CRCP: variants seen among roughly 807,000 people sequenced by gnomAD.
CRCP encodes CGRP receptor component.
Under a neutral mutation model 18.5 loss-of-function variants are expected in CRCP, and 18 were observed. That is an observed-to-expected ratio of 0.97 (90% CI 0.67 to 1.44). The LOEUF (loss-of-function observed/expected upper bound fraction) is 1.44. Among genes scored for constraint, CRCP ranks in the 40% most tolerant of loss-of-function variants. The pLI is 0.00. For synonymous variants in CRCP, 53 were observed against 62.9 expected (o/e 0.84, Z 0.75); for missense variants, 130 against 176.4 (o/e 0.74, Z 1.49).
At chr7:66,129,011 A>G (rs1481404480) in intron 2 of CRCP, among the ~76,000 whole-genome samples, 1 of 152,112 alleles carries the variant, frequency 6.6e-6, no homozygotes, top group Non-Finnish European at 1.5e-5. Flanking sequence ...TCAGCCTGGG[A>G]AACCTAGCAA....
Position 66,151,747 on chromosome 7 carries a change from C to CTTT in CRCP, c.298-459_298-457dup, listed in dbSNP as rs1260395389. 2.7e-4 allele frequency among the ~76,000 whole-genome samples: 15 copies of CTTT among 55,420 alleles called. 3 individuals carry two copies. Among genetic ancestry groups the CTTT allele is most frequent in the Admixed American group, 6.3e-4 (3 of 4,798 alleles). The allele number at this position is 55,420 out of a possible 152,430, so 36.4% of individuals were successfully genotyped here. A position where few individuals can be genotyped will look rare whatever the true frequency, so the allele number is the denominator to read the frequency against. On this transcript the variant is annotated intron_variant, in intron 5 of 5. Coordinates refer to ENST00000395326, the MANE Select transcript of CRCP (RefSeq NM_014478.5). ...TATAACTTAGCTTTTTCCTTTTTTT[C>CTTT]TTTTCTTTTTTTTTTTTTTTTTTTA... is the stretch of plus-strand genomic sequence containing the variant.
Position 66,153,544 on chromosome 7 carries a change from C to T in CRCP, c.*1187C>T, listed in dbSNP as rs1293835538. 3.3e-5 allele frequency: 5 copies of T among 152,112 alleles called. No homozygotes were observed. The highest frequency in any genetic ancestry group is 7.2e-5 in the African/African-American group (3 of 41,422). The allele number at this position is 152,112 out of a possible 1,614,324, so 9.4% of individuals were successfully genotyped here. ...CATGTGGTTGTTGCCTTAGGTCCTGCGAATATTGCTGAAAATCGGATTTTC... is the reference window on the plus strand; with the variant it reads ...CATGTGGTTGTTGCCTTAGGTCCTGTGAATATTGCTGAAAATCGGATTTTC... On this transcript the variant is annotated 3_prime_UTR_variant, in exon 6 of 6. Coordinates refer to ENST00000395326, the MANE Select transcript of CRCP (RefSeq NM_014478.5).
intron 5 of CRCP, chr7:66,150,858 C>G (rs1407395421): frequency 2.0e-5 from 3 of 152,134 alleles, no homozygotes; most frequent in Admixed American, 6.6e-5. Context: ...GGTTAAGCAA[C>G]TTGACTGCCT....
At chr7:66,122,423 A>G (rs1787473847) in intron 1 of CRCP, among the ~76,000 whole-genome samples, 1 of 149,380 alleles carries the variant, frequency 6.7e-6, no homozygotes. Flanking sequence ...CCATTTGTGT[A>G]TGTGTTTGCT....
intron 5 of CRCP, among the ~76,000 whole-genome samples, chr7:66,146,657 G>T (rs1385485152): frequency 6.6e-6 from 1 of 152,068 alleles, no homozygotes; most frequent in Non-Finnish European, 1.5e-5. Flanking sequence ...ATTGTTCATT[G>T]TCTTCCTAGG....
rs35682014 is a variant in CRCP at position 66,130,097 on chromosome 7, C to CTTTTTTT, written c.46-627_46-621dup. 1.4e-4 allele frequency: 14 copies of CTTTTTTT among 100,574 alleles called. 4 individuals are homozygous for CTTTTTTT. The highest frequency in any genetic ancestry group is 4.5e-4 in the Admixed American group (2 of 4,458). The allele number at this position is 100,574 out of a possible 1,614,324, so 6.2% of individuals were successfully genotyped here. A position where few individuals can be genotyped will look rare whatever the true frequency, so the allele number is the denominator to read the frequency against. ...ATTTTTATACTAGAGAAGCAGGATTCTTTTTTTTTTTTTTTTTTTTTTTTT... is the reference window on the plus strand; with the variant it reads ...ATTTTTATACTAGAGAAGCAGGATTCTTTTTTTTTTTTTTTTTTTTTTTTTTTTTTTT... On this transcript the variant is annotated intron_variant, in intron 2 of 5. Transcript: ENST00000395326.
intron 1 of CRCP, among the ~76,000 whole-genome samples, chr7:66,116,715 A>G (rs1057485560): frequency 1.3e-5 from 2 of 151,964 alleles, no homozygotes; most frequent in East Asian, 1.9e-4. Context: ...CTCTTACTCC[A>G]TTTCTGCTTC....
chr7:66,151,673 C>CTCTCTGTG (rs1484742797), intron 5 of CRCP, among the ~76,000 whole-genome samples: 26 of 138,586 alleles, frequency 1.9e-4, no homozygotes, highest in Middle Eastern at 3.9e-3. Flanking sequence ...CCACTTCTCT[C>CTCTCTGTG]TGTGTGTGTG....
At chr7:66,140,906 A>G (rs555438865) in intron 4 of CRCP, among the ~76,000 whole-genome samples, 16 of 152,338 alleles carry the variant, frequency 1.1e-4, no homozygotes, top group Non-Finnish European at 1.3e-4. Context: ...TTGTCTTGCA[A>G]GCTGATTCGT....
At chr7:66,151,371 C>A (rs1788451990) in intron 5 of CRCP, among the ~76,000 whole-genome samples, 1 of 152,010 alleles carries the variant, frequency 6.6e-6, no homozygotes, top group African/African-American at 2.4e-5. Flanking sequence ...AGATTGAGAC[C>A]ATCCTGGCCA....
Position 66,152,314 on chromosome 7 carries a change from A to T in CRCP, c.404A>T (p.Asn135Ile). The T allele has an allele frequency of 6.2e-7, 1 of 1,614,172 alleles. No individual in the cohort carries two copies. The highest frequency in any genetic ancestry group is 8.5e-7 in the Non-Finnish European group (1 of 1,180,028). The stretch of plus-strand genomic sequence containing the variant: ...GAGCCAGAGGCTGAGCAGAAGAAGA[A>T]TACAAACAGCAATGTGGCAATGGAC... ...PAEPEAEQKKNTNSNVAMDEE... is the reference protein window; with the variant it reads ...PAEPEAEQKKITNSNVAMDEE... The change falls in exon 6 of 6, where the codon AAT (asparagine) becomes ATT (isoleucine). Residue 135 changes from asparagine to isoleucine, a missense_variant. Coordinates refer to ENST00000395326, the MANE Select transcript of CRCP (RefSeq NM_014478.5).
chr7:66,130,383 C>T (rs959170383), intron 2 of CRCP: 34 of 184,314 alleles, frequency 1.8e-4, no homozygotes, highest in Admixed American at 1.6e-3. Flanking sequence ...GGATTACAGG[C>T]GTGAGCCATC....
At chr7:66,147,668 T>C (rs1182555132) in intron 5 of CRCP, among the ~76,000 whole-genome samples, 1 of 152,202 alleles carries the variant, frequency 6.6e-6, no homozygotes, top group Non-Finnish European at 1.5e-5. Context: ...GACCATTTTA[T>C]AGCCAGATTC....
chr7:66,141,440 T>C (rs1788135872), intron 4 of CRCP, among the ~76,000 whole-genome samples: 1 of 152,108 alleles, frequency 6.6e-6, no homozygotes, highest in Non-Finnish European at 1.5e-5. Flanking sequence ...CCAGAAAGCA[T>C]GGACTTCTTG....
intron 1 of CRCP, among the ~76,000 whole-genome samples, chr7:66,122,512 C>G (rs1270745101): frequency 6.6e-6 from 1 of 152,044 alleles, no homozygotes; most frequent in African/African-American, 2.4e-5. Context: ...TTTACATCCA[C>G]TTGACTCACC....
At chr7:66,133,646 C>G (rs76560208) in intron 3 of CRCP, among the ~76,000 whole-genome samples, 2,238 of 150,940 alleles carry the variant, frequency 0.015, 60 homozygotes, top group East Asian at 0.093. Flanking sequence ...CTTTGGGTTC[C>G]CCCTCTTTAA....
At chr7:66,129,194 A>G (rs909075794) in intron 2 of CRCP, among the ~76,000 whole-genome samples, 3 of 152,120 alleles carry the variant, frequency 2.0e-5, no homozygotes, top group Non-Finnish European at 2.9e-5. Flanking sequence ...TTAGCCGGGC[A>G]AGGTGGCGGG....
chr7:66,123,445 A>G (rs1787511261), intron 1 of CRCP, among the ~76,000 whole-genome samples: 1 of 152,162 alleles, frequency 6.6e-6, no homozygotes, highest in South Asian at 2.1e-4. Flanking sequence ...TTAAGTTCTA[A>G]TAGCTCTAAA....
chr7:66,118,215 A>T (rs1439404035), intron 1 of CRCP, among the ~76,000 whole-genome samples: 2 of 152,096 alleles, frequency 1.3e-5, no homozygotes, highest in Non-Finnish European at 2.9e-5. Flanking sequence ...ACCTCAGGTG[A>T]TTTGCCTGCC....
Sources: allele counts gnomAD v4.1 joint callset (sites outside exome capture counted in the v4.1 genomes callset), GRCh38; gene constraint gnomAD v4.1.1; transcripts MANE v1.5; gene names NCBI Gene and HGNC (gene_info 2026-07-23, HGNC 2026-07-21).